Variants in MROH9 observed in about 807,000 individuals in gnomAD.
The protein encoded by MROH9 is maestro heat-like repeat-containing protein family member 9.
MROH9 carries 92 observed loss-of-function variants against 98.2 expected under a neutral mutation model. The observed-to-expected ratio is 0.94, with a 90% CI of 0.79 to 1.11. The LOEUF is 1.11. MROH9 is among the 50% of genes most tolerant of loss of function. MROH9 has a pLI of 0.00. For synonymous variants in MROH9, 397 were observed against 368.9 expected (o/e 1.08, Z -0.87); for missense variants, 1,057 against 1,014.8 (o/e 1.04, Z -0.57).
intron 10 of MROH9, among the ~76,000 whole-genome samples, chr1:170,987,860 G>A (rs1651210646): frequency 6.6e-6 from 1 of 152,118 alleles, no homozygotes; most frequent in Admixed American, 6.5e-5. Flanking sequence ...ATAATTTATG[G>A]CCTACCCTTT....
At chr1:170,995,228 A>G (rs979065639) in intron 12 of MROH9, among the ~76,000 whole-genome samples, 161 bp from the exon 13 acceptor site, 1 of 152,198 alleles carries the variant, frequency 6.6e-6, no homozygotes, top group African/African-American at 2.4e-5. Context: ...AACTGATGTA[A>G]CGGCTGTTAT....
chr1:171,013,904 CACACACACACAG>C (rs1341934555), intron 15 of MROH9, among the ~76,000 whole-genome samples: 9 of 150,706 alleles, frequency 6.0e-5, no homozygotes, highest in African/African-American at 2.2e-4. Context: ...CACACACACA[CACACACACACAG>C]ACAGACAAAA....
At chr1:170,988,458 T>C (rs78287667) in intron 10 of MROH9, among the ~76,000 whole-genome samples, 5,790 of 152,142 alleles carry the variant, frequency 0.038, 374 homozygotes, top group African/African-American at 0.13. Flanking sequence ...GAAAGAGCAC[T>C]CAAAGGAAGG....
chr1:170,935,600 C>T lies in MROH9; in HGVS notation c.-38+13C>T, dbSNP rs1455947998. The T allele has an allele frequency of 1.3e-5, 2 of 152,102 alleles. No individual in the cohort carries two copies. Among genetic ancestry groups the T allele is most frequent in the Non-Finnish European group, 2.9e-5 (2 of 68,014 alleles). The allele number at this position is 152,102 out of a possible 1,614,324, so 9.4% of individuals were successfully genotyped here. A position where few individuals can be genotyped will look rare whatever the true frequency, so the allele number is the denominator to read the frequency against. On this transcript the variant is annotated intron_variant, in intron 1 of 21. Transcript: ENST00000367759. ...AAGTTACAAATATGTAAGTGAATTCCTATTAATATTTCTGTCATTCAAAAG... is the reference window on the plus strand; with the variant it reads ...AAGTTACAAATATGTAAGTGAATTCTTATTAATATTTCTGTCATTCAAAAG...
At chr1:170,959,435 T>C (rs1156725222) in intron 4 of MROH9, 27 bp from the exon 5 acceptor site, 3 of 1,566,558 alleles carry the variant, frequency 1.9e-6, no homozygotes, top group Non-Finnish European at 2.6e-6. Context: ...TTTCTCATCA[T>C]TAATAATTGC....
At chr1:171,024,595 G>C in intron 18 of MROH9, 48 bp downstream of exon 18, 1 of 1,531,168 alleles carries the variant, frequency 6.5e-7, no homozygotes, top group Non-Finnish European at 8.8e-7. Flanking sequence ...GGATTGTAAT[G>C]TTTTATCTAA....
Position 170,945,461 on chromosome 1 carries a change from C to T in MROH9, c.-37-59C>T, listed in dbSNP as rs543633186. ...CATAGTACCATCCATATTGATAGAG[C>T]AAAACAAAACTGTAGGAAAGTTTCT... On this transcript the variant is annotated intron_variant, in intron 1 of 21. Transcript: ENST00000367759. The T allele has an allele frequency of 2.0e-4, 254 of 1,259,070 alleles. No homozygotes were observed. In the South Asian group the frequency reaches 3.0e-3, roughly 15 times the overall value. The allele number at this position is 1,259,070 out of a possible 1,614,324, so 78.0% of individuals were successfully genotyped here.
intron 3 of MROH9, among the ~76,000 whole-genome samples, chr1:170,957,449 C>T (rs1450141176): frequency 6.6e-6 from 1 of 152,136 alleles, no homozygotes; most frequent in East Asian, 1.9e-4. Context: ...ATTGTGAATT[C>T]TTGTCTCCCT....
intron 6 of MROH9, among the ~76,000 whole-genome samples, chr1:170,962,388 C>T (rs1157613377): frequency 6.6e-6 from 1 of 152,132 alleles, no homozygotes; most frequent in Non-Finnish European, 1.5e-5. Flanking sequence ...AGCATTCTAT[C>T]TTCATGGGTA....
chr1:170,965,672 G>C (rs765760302), intron 7 of MROH9, among the ~76,000 whole-genome samples: 1 of 151,994 alleles, frequency 6.6e-6, no homozygotes, highest in Non-Finnish European at 1.5e-5. Context: ...AAACATGCTA[G>C]AGGTAGAGCA....
chr1:171,049,201 T>C (rs926935105), intron 20 of MROH9, among the ~76,000 whole-genome samples: 2 of 152,116 alleles, frequency 1.3e-5, no homozygotes, highest in African/African-American at 4.8e-5. Context: ...AGAAACACCT[T>C]CATAAGAACC....
chr1:171,016,615 G>A (rs1260940100), intron 17 of MROH9, among the ~76,000 whole-genome samples: 2 of 152,004 alleles, frequency 1.3e-5, no homozygotes, highest in East Asian at 3.9e-4. Flanking sequence ...TATCTGGACT[G>A]CCTGGGTTCA....
chr1:171,030,987 T>C (rs1652889315), intron 20 of MROH9, among the ~76,000 whole-genome samples: 1 of 152,246 alleles, frequency 6.6e-6, no homozygotes, highest in Non-Finnish European at 1.5e-5. Context: ...GCACGTATAT[T>C]TAGAATAGTT....
intron 3 of MROH9, among the ~76,000 whole-genome samples, chr1:170,956,076 C>A (rs1010417600): frequency 6.6e-6 from 1 of 152,254 alleles, no homozygotes; most frequent in Admixed American, 6.5e-5. Flanking sequence ...AAAGGGTGTC[C>A]TTTCCCCACT....
At chr1:171,056,172 C>A (rs954795124) in intron 20 of MROH9, among the ~76,000 whole-genome samples, 1 of 152,202 alleles carries the variant, frequency 6.6e-6, no homozygotes, top group Admixed American at 6.5e-5. Flanking sequence ...GATGTCTAAG[C>A]CATTTGAGCT....
intron 20 of MROH9, among the ~76,000 whole-genome samples, chr1:171,041,888 T>G (rs1267484737): frequency 6.6e-6 from 1 of 152,044 alleles, no homozygotes; most frequent in East Asian, 1.9e-4. Context: ...GTGTATATAT[T>G]TATGGGTACA....
At chr1:171,034,797 T>C (rs1312478897) in intron 20 of MROH9, among the ~76,000 whole-genome samples, 2 of 152,216 alleles carry the variant, frequency 1.3e-5, no homozygotes, top group Non-Finnish European at 2.9e-5. Flanking sequence ...GATACCAAGA[T>C]TTATTATAAA....
chr1:170,948,856 C>T (rs796718196), intron 3 of MROH9, among the ~76,000 whole-genome samples: 4 of 152,042 alleles, frequency 2.6e-5, no homozygotes, highest in African/African-American at 4.8e-5. Context: ...CCTGTAAAGG[C>T]GTGGAGAAAG....
chr1:171,003,006 T>G (rs1238161853), intron 15 of MROH9, among the ~76,000 whole-genome samples: 4 of 149,558 alleles, frequency 2.7e-5, no homozygotes, highest in Non-Finnish European at 5.9e-5. Flanking sequence ...GTCTTTGAGC[T>G]CTGAATGTCT....
Sources: allele counts gnomAD v4.1 joint callset (sites outside exome capture counted in the v4.1 genomes callset), GRCh38; gene constraint gnomAD v4.1.1; transcripts MANE v1.5; gene names NCBI Gene and HGNC (gene_info 2026-07-23, HGNC 2026-07-21).